FOXO3: variants seen among roughly 807,000 people sequenced by gnomAD.
The protein encoded by FOXO3 is forkhead box protein O3.
FOXO3 carries 4 observed loss-of-function variants against 41.9 expected under a neutral mutation model. The ratio of observed to expected loss-of-function variants is 0.10; its 90% CI spans 0.05 to 0.22. FOXO3 has a LOEUF of 0.22. FOXO3 is among the 10% of genes least tolerant of loss of function. FOXO3 has a pLI of 1.00. For synonymous variants in FOXO3, 318 were observed against 389.3 expected (o/e 0.82, Z 2.16); for missense variants, 534 against 906.8 (o/e 0.59, Z 5.28).
At position 108,561,042 on chromosome 6, in the gene FOXO3, C is replaced by G. The variant is rs1360186953; in HGVS notation, c.-167C>G. The G allele has an allele frequency of 1.4e-6, 2 of 1,398,256 alleles. No homozygotes were observed. The highest frequency in any genetic ancestry group is 1.8e-6 in the Non-Finnish European group (2 of 1,088,578). The allele number at this position is 1,398,256 out of a possible 1,614,324, so 86.6% of individuals were successfully genotyped here. On this transcript the variant is annotated 5_prime_UTR_variant, in exon 1 of 3. Transcript: ENST00000406360. ...ACTCGCCGAGGACGGGGCTCCGGCC[C>G]GGGATAACCAACTCTCCTTCTCTCT...
chr6:108,658,533 G>GTGGGAGGGTTGTGGT (rs1778754215), intron 1 of FOXO3, among the ~76,000 whole-genome samples: 1 of 152,216 alleles, frequency 6.6e-6, no homozygotes, highest in Non-Finnish European at 1.5e-5. Context: ...AATATTGGGG[G>GTGGGAGGGTTGTGGT]TGGGAGGGTT....
intron 1 of FOXO3, among the ~76,000 whole-genome samples, chr6:108,567,297 A>G (rs550848748): frequency 1.3e-5 from 2 of 152,248 alleles, no homozygotes; most frequent in African/African-American, 4.8e-5. Context: ...CCACCGTACC[A>G]TGGCTCCTGT....
intron 1 of FOXO3, among the ~76,000 whole-genome samples, chr6:108,625,117 A>G (rs1271535607): frequency 2.6e-5 from 4 of 152,196 alleles, no homozygotes; most frequent in Non-Finnish European, 5.9e-5. Context: ...TAAAAAGTTT[A>G]TTCATTGAAT....
intron 1 of FOXO3, among the ~76,000 whole-genome samples, chr6:108,646,712 G>A (rs1472967951): frequency 1.3e-5 from 2 of 152,216 alleles, no homozygotes; most frequent in Admixed American, 1.3e-4. Context: ...CCTGGGAAAA[G>A]AGAATGTGTA....
chr6:108,653,342 C>T (rs1778598208), intron 1 of FOXO3, among the ~76,000 whole-genome samples: 1 of 152,184 alleles, frequency 6.6e-6, no homozygotes, highest in Non-Finnish European at 1.5e-5. Context: ...TATAGTAAAA[C>T]ATGGTATCTG....
chr6:108,639,084 C>G (rs1037406964), intron 1 of FOXO3, among the ~76,000 whole-genome samples: 1 of 152,104 alleles, frequency 6.6e-6, no homozygotes, highest in African/African-American at 2.4e-5. Context: ...CGTTAATGGA[C>G]CCAGAGGAAA....
intron 1 of FOXO3, among the ~76,000 whole-genome samples, chr6:108,582,108 A>C (rs761983252): frequency 6.6e-6 from 1 of 152,230 alleles, no homozygotes; most frequent in South Asian, 2.1e-4. Flanking sequence ...TATAGGGACA[A>C]CGTATTTTTC....
In FOXO3 at chr6:108,561,005, C is replaced by T. The variant is rs921878418; in HGVS notation, c.-204C>T. Reference sequence around the variant, plus strand: ...GCGCGGCAGGACTGGGAGGTGGCGGCAGCGGGCGAGGACTCGCCGAGGACG... The same window carrying T: ...GCGCGGCAGGACTGGGAGGTGGCGGTAGCGGGCGAGGACTCGCCGAGGACG... On this transcript the variant is annotated 5_prime_UTR_variant, in exon 1 of 3. Transcript: ENST00000406360. 11 of 1,367,220 alleles carry T rather than the reference C, an allele frequency of 8.0e-6. No homozygotes were observed. The highest frequency in any genetic ancestry group is 8.4e-6 in the Non-Finnish European group (9 of 1,072,132). 84.7% of individuals were successfully genotyped at this position (1,367,220 alleles called of 1,614,324 possible).
chr6:108,627,893 T>C (rs1777857632), intron 1 of FOXO3, among the ~76,000 whole-genome samples: 2 of 152,124 alleles, frequency 1.3e-5, no homozygotes, highest in Admixed American at 1.3e-4. Flanking sequence ...TCTGTTAGAG[T>C]ATCACGTACT....
At chr6:108,595,507 T>G (rs979651332) in intron 1 of FOXO3, among the ~76,000 whole-genome samples, 2 of 152,228 alleles carry the variant, frequency 1.3e-5, no homozygotes, top group Non-Finnish European at 1.5e-5. Flanking sequence ...CTTTGCCCTT[T>G]CATTGAGACC....
At chr6:108,591,705 C>T (rs892372936) in intron 1 of FOXO3, among the ~76,000 whole-genome samples, 7 of 152,042 alleles carry the variant, frequency 4.6e-5, no homozygotes, top group Non-Finnish European at 7.4e-5. Context: ...TTTGATTGAG[C>T]CAGTTATTGT....
chr6:108,596,787 G>A (rs755020324), intron 1 of FOXO3, among the ~76,000 whole-genome samples: 2 of 152,118 alleles, frequency 1.3e-5, no homozygotes, highest in Non-Finnish European at 2.9e-5. Context: ...TTCAGGATGC[G>A]TACCAGCAGA....
chr6:108,665,011 C>A, intron 2 of FOXO3, 122 bp downstream of exon 2: 2 of 1,074,790 alleles, frequency 1.9e-6, no homozygotes, highest in Non-Finnish European at 2.6e-6. Context: ...AGCAGTGGTG[C>A]ACATAATATG....
intron 1 of FOXO3, among the ~76,000 whole-genome samples, chr6:108,599,309 C>G (rs1015979174): frequency 6.6e-6 from 1 of 152,052 alleles, no homozygotes; most frequent in Non-Finnish European, 1.5e-5. Flanking sequence ...TATCTAAGAC[C>G]AAGAAATATA....
At chr6:108,563,163 G>A (rs1562225077) in intron 1 of FOXO3, among the ~76,000 whole-genome samples, 1 of 152,294 alleles carries the variant, frequency 6.6e-6, no homozygotes, top group South Asian at 2.1e-4. Context: ...GCCTGTAGAT[G>A]AAAAAGTTAA....
Position 108,566,842 on chromosome 6 carries a change from A to C in FOXO3, c.621+5013A>C, listed in dbSNP as rs1264703300. On this transcript the variant is annotated intron_variant, in intron 1 of 2. Coordinates refer to ENST00000406360, the MANE Select transcript of FOXO3 (RefSeq NM_001455.4). ...AAGGAGCTGGGGATCATAAATGCAA[A>C]GACGAGTTGATATCAGTGGATGTTA... 3.3e-5 allele frequency among the ~76,000 whole-genome samples: 5 copies of C among 152,256 alleles called. No individual in the cohort carries two copies. The East Asian group carries it at 5.8e-4, about 18-fold the overall frequency.
chr6:108,584,030 C>G (rs1415424589), intron 1 of FOXO3, among the ~76,000 whole-genome samples: 2 of 152,148 alleles, frequency 1.3e-5, no homozygotes, highest in East Asian at 3.9e-4. Context: ...GTATACATGT[C>G]CAGGGCTCAT....
intron 1 of FOXO3, among the ~76,000 whole-genome samples, chr6:108,587,219 T>A (rs1482138806): frequency 6.6e-6 from 1 of 151,976 alleles, no homozygotes; most frequent in Non-Finnish European, 1.5e-5. Context: ...AGCTTCTGAG[T>A]GACAGAGTGA....
At chr6:108,624,127 A>G (rs1205254837) in intron 1 of FOXO3, among the ~76,000 whole-genome samples, 1 of 152,116 alleles carries the variant, frequency 6.6e-6, no homozygotes, top group South Asian at 2.1e-4. Context: ...CCTGAGAGAA[A>G]AATTCTTTGA....
Sources: gnomAD v4.1 joint callset for allele counts (sites outside exome capture counted in the v4.1 genomes callset) on GRCh38, gnomAD v4.1.1 for gene constraint, MANE v1.5 for transcripts, NCBI Gene and HGNC (gene_info 2026-07-23, HGNC 2026-07-21) for gene names.